The following AFF2 variants were observed in gnomAD, a reference collection of about 807,000 sequenced individuals.
AFF2 encodes ALF transcription elongation factor 2.
AFF2 carries 14 observed loss-of-function variants against 76.9 expected under a neutral mutation model. The observed-to-expected ratio is 0.18, with a 90% CI of 0.12 to 0.28. The LOEUF (loss-of-function observed/expected upper bound fraction) is 0.28. Among genes scored for constraint, AFF2 ranks in the 10% least tolerant of loss-of-function variants. AFF2 has a pLI of 1.00. For missense variants in AFF2, 868 were observed against 1,001.1 expected, an observed-to-expected ratio of 0.87 and a Z score of 1.79; for synonymous variants, 398 against 366.7, an observed-to-expected ratio of 1.09 and a Z score of -0.98.
intron 1 of AFF2, among the ~76,000 whole-genome samples, chrX:148,555,253 T>C (rs1557239518): frequency 8.9e-6 from 1 of 112,083 alleles, no homozygotes; most frequent in African/African-American, 3.2e-5. Context: ...ACAGAGTACA[T>C]TAACAAGAGT....
intron 7 of AFF2, among the ~76,000 whole-genome samples, chrX:148,859,368 A>G (rs1428808878): frequency 9.1e-6 from 1 of 110,478 alleles, no homozygotes. Context: ...AATTAAAATA[A>G]AAGTTAAAAA....
intron 8 of AFF2, among the ~76,000 whole-genome samples, chrX:148,893,338 T>C (rs1238533838): frequency 1.8e-5 from 2 of 112,081 alleles, no homozygotes; most frequent in African/African-American, 6.5e-5. Flanking sequence ...TTGAGACAAG[T>C]CTGTGACTGT....
intron 1 of AFF2, among the ~76,000 whole-genome samples, chrX:148,541,349 G>A (rs992540840): frequency 9.0e-6 from 1 of 111,677 alleles, no homozygotes; most frequent in Non-Finnish European, 1.9e-5. Flanking sequence ...CTGATTCCTC[G>A]TGCTGACTGG....
chrX:148,583,746 C>T (rs181956019), intron 1 of AFF2, among the ~76,000 whole-genome samples: 566 of 111,606 alleles, frequency 5.1e-3, no homozygotes, highest in Non-Finnish European at 5.6e-3. Flanking sequence ...TTTTCCTTTT[C>T]CGTATTTATA....
At chrX:148,605,555 A>G (rs1050140798) in intron 1 of AFF2, among the ~76,000 whole-genome samples, 12 of 112,054 alleles carry the variant, frequency 1.1e-4, no homozygotes, top group African/African-American at 3.9e-4. Context: ...AAGTGAAATC[A>G]GGGCCTCTTG....
At chrX:148,921,413 A>T (rs959913054) in intron 9 of AFF2, among the ~76,000 whole-genome samples, 3 of 112,012 alleles carry the variant, frequency 2.7e-5, no homozygotes, top group African/African-American at 9.7e-5. Flanking sequence ...GTCACTCCTC[A>T]TTTCTCCCTC....
intron 9 of AFF2, among the ~76,000 whole-genome samples, chrX:148,915,094 A>T (rs2071512690): frequency 8.9e-6 from 1 of 112,513 alleles, no homozygotes; most frequent in Non-Finnish European, 1.9e-5. Context: ...CCAGGGCCTC[A>T]AATAGGAAAC....
At chrX:148,844,374 G>T (rs1464799953) in intron 7 of AFF2, among the ~76,000 whole-genome samples, 1 of 111,717 alleles carries the variant, frequency 9.0e-6, no homozygotes, top group Non-Finnish European at 1.9e-5. Context: ...CCAGGGCCCT[G>T]CAATTCATTC....
At chrX:148,802,292 A>G (rs2124633943) in intron 3 of AFF2, among the ~76,000 whole-genome samples, 1 of 112,373 alleles carries the variant, frequency 8.9e-6, no homozygotes, top group East Asian at 2.8e-4. Flanking sequence ...CTGTGGCAAC[A>G]TAAGAAAAGT....
chrX:148,680,757 C>A (rs1286642683), intron 3 of AFF2, among the ~76,000 whole-genome samples: 1 of 111,054 alleles, frequency 9.0e-6, no homozygotes, highest in Non-Finnish European at 1.9e-5. Flanking sequence ...ACCCTGGGAG[C>A]CCAGAGCAGA....
intron 1 of AFF2, among the ~76,000 whole-genome samples, chrX:148,564,254 A>C (rs1557241265): frequency 9.0e-6 from 1 of 110,927 alleles, no homozygotes; most frequent in Non-Finnish European, 1.9e-5. Context: ...TTTTAAATAT[A>C]TATGTTGTTC....
At position 148,775,946 on chromosome X, in the gene AFF2, G is replaced by T. The variant is rs1245508560; in HGVS notation, c.1042-33930G>T. On this transcript the variant is annotated intron_variant, in intron 3 of 20. Transcript: ENST00000370460. The stretch of plus-strand genomic sequence containing the variant: ...ACATAGGTATACATGTGCCATGGTG[G>T]TTTGCTGCACCCATCAACCTGTCAT... Among the ~76,000 whole-genome samples the T allele has an allele frequency of 2.7e-5, 3 of 110,199 alleles. No homozygotes were observed. In the East Asian group the frequency reaches 8.6e-4, roughly 32 times the overall value.
At chrX:148,735,694 G>A (rs2055276987) in intron 3 of AFF2, among the ~76,000 whole-genome samples, 1 of 110,755 alleles carries the variant, frequency 9.0e-6, no homozygotes, top group South Asian at 3.8e-4. Flanking sequence ...GAGGTGATTT[G>A]TGAGATTTTG....
Position 148,995,174 on chromosome X carries a change from C to T in AFF2, c.*3842C>T, listed in dbSNP as rs782724233. 3 of 110,961 alleles carry T rather than the reference C, an allele frequency of 2.7e-5. No homozygotes were observed. The highest frequency in any genetic ancestry group is 3.9e-4 in the South Asian group (1 of 2,557). The allele number at this position is 110,961 out of a possible 1,213,427, so 9.1% of individuals were successfully genotyped here. ...GTTGTTGTTGTTTCTCATTTTCACT[C>T]GCACGGCCTTATTCTCATAATTAAA... On this transcript the variant is annotated 3_prime_UTR_variant, in exon 21 of 21. Coordinates refer to ENST00000370460, the MANE Select transcript of AFF2 (RefSeq NM_002025.4).
intron 3 of AFF2, among the ~76,000 whole-genome samples, chrX:148,720,547 G>A (rs185868800): frequency 5.1e-4 from 57 of 111,333 alleles, no homozygotes; most frequent in Admixed American, 2.6e-3. Flanking sequence ...TGATAATAGT[G>A]ATAGAAAGAG....
intron 1 of AFF2, among the ~76,000 whole-genome samples, chrX:148,618,010 C>G (rs1557250721): frequency 9.0e-6 from 1 of 111,565 alleles, no homozygotes; most frequent in Non-Finnish European, 1.9e-5. Flanking sequence ...TTCTCTTTCT[C>G]TCTCTCTGAG....
At chrX:148,967,179 A>AC in intron 14 of AFF2, 100 bp downstream of exon 14, 1 of 1,125,292 alleles carries the variant, frequency 8.9e-7, no homozygotes, top group South Asian at 2.1e-5. Flanking sequence ...CCCAAATAAG[A>AC]CCTCAGCATC....
chrX:148,799,145 C>G (rs1603302929), intron 3 of AFF2, among the ~76,000 whole-genome samples: 1 of 111,863 alleles, frequency 8.9e-6, no homozygotes, highest in East Asian at 2.8e-4. Context: ...AAATAAAAAG[C>G]ATCAGGAATA....
intron 3 of AFF2, among the ~76,000 whole-genome samples, chrX:148,678,797 T>C (rs1357546027): frequency 8.9e-6 from 1 of 111,787 alleles, no homozygotes; most frequent in Non-Finnish European, 1.9e-5. Flanking sequence ...CCCATAAATA[T>C]GTACATTTCA....
Sources: allele counts gnomAD v4.1 joint callset (sites outside exome capture counted in the v4.1 genomes callset), GRCh38; gene constraint gnomAD v4.1.1; transcripts MANE v1.5; gene names NCBI Gene and HGNC (gene_info 2026-07-23, HGNC 2026-07-21).